The following NEXN variants were observed in gnomAD, a reference collection of about 807,000 sequenced individuals.
The protein encoded by NEXN is nexilin F-actin binding protein, also known as nexilin.
A neutral mutation model predicts 92.6 loss-of-function variants in NEXN; 65 were observed. The ratio of observed to expected loss-of-function variants is 0.70; its 90% CI spans 0.57 to 0.86. NEXN has a LOEUF of 0.86. NEXN is among the 40% of genes least tolerant of loss of function. The pLI, the probability that NEXN is intolerant of heterozygous loss-of-function variation, is 0.00. For synonymous variants in NEXN, 254 were observed against 242.5 expected, an observed-to-expected ratio of 1.05 and a Z score of -0.44; for missense variants, 778 against 771.1, an observed-to-expected ratio of 1.01 and a Z score of -0.11.
In NEXN at chr1:77,942,835, CTTT is replaced by C. The variant is rs750925304; in HGVS notation, c.*9_*11del. The C allele has an allele frequency of 1.3e-6, 2 of 1,595,832 alleles. No homozygotes were observed. The highest frequency in any genetic ancestry group is 8.6e-7 in the Non-Finnish European group (1 of 1,167,744). On this transcript the variant is annotated 3_prime_UTR_variant, in exon 13 of 13. Transcript: ENST00000334785. ...CCATTGAAAGTAAGAATTAATCACT[CTTT>C]TTATCTTTTATTCTATTAATTTTTT...
At chr1:77,929,785 A>G (rs980616084) in intron 9 of NEXN, among the ~76,000 whole-genome samples, 2 of 152,240 alleles carry the variant, frequency 1.3e-5, no homozygotes, top group African/African-American at 4.8e-5. Flanking sequence ...AGAACTAAGT[A>G]TCCAAGGAAG....
chr1:77,937,173 G>GC (rs1650836533), intron 11 of NEXN, among the ~76,000 whole-genome samples: 1 of 151,948 alleles, frequency 6.6e-6, no homozygotes, highest in Non-Finnish European at 1.5e-5. Context: ...GCACAGTGGT[G>GC]CATGTCTGTA....
chr1:77,908,394 A>ATTTT (rs34361411), intron 1 of NEXN, among the ~76,000 whole-genome samples: 15 of 36,302 alleles, frequency 4.1e-4, no homozygotes, highest in South Asian at 1.4e-3. Flanking sequence ...CCCTACCTCT[A>ATTTT]TTTTTTTTTT....
intron 1 of NEXN, among the ~76,000 whole-genome samples, chr1:77,914,902 T>C (rs1316147755): frequency 1.3e-5 from 2 of 152,112 alleles, no homozygotes; most frequent in Non-Finnish European, 2.9e-5. Context: ...GAATTGATTT[T>C]TGTAAAAAGC....
intron 6 of NEXN, 88 bp downstream of exon 6, chr1:77,925,317 C>G: frequency 1.1e-6 from 1 of 908,724 alleles, no homozygotes; most frequent in South Asian, 1.5e-5. Flanking sequence ...ACTAAAAGAG[C>G]TTTTATTATT....
intron 11 of NEXN, among the ~76,000 whole-genome samples, chr1:77,937,278 T>TG (rs1351522420): frequency 6.6e-6 from 1 of 152,126 alleles, no homozygotes; most frequent in Non-Finnish European, 1.5e-5. Context: ...CACTCCAGCC[T>TG]GGGGGTCAGA....
At chr1:77,896,188 A>G (rs958100156) in intron 1 of NEXN, among the ~76,000 whole-genome samples, 1 of 151,644 alleles carries the variant, frequency 6.6e-6, no homozygotes, top group African/African-American at 2.4e-5. Flanking sequence ...AAATAAATAA[A>G]TAAATAAATA....
chr1:77,915,485 C>T (rs1353036860), intron 1 of NEXN, among the ~76,000 whole-genome samples: 4 of 151,278 alleles, frequency 2.6e-5, no homozygotes, highest in Non-Finnish European at 4.4e-5. Context: ...AAAAATTAGC[C>T]GGACGTGGCG....
intron 5 of NEXN, among the ~76,000 whole-genome samples, chr1:77,920,065 A>T (rs1350470090): frequency 1.3e-5 from 2 of 149,590 alleles, no homozygotes; most frequent in African/African-American, 4.9e-5. Flanking sequence ...CTCCCAGCTA[A>T]TTTTTTTGTA....
chr1:77,928,310 CAAA>C (rs199608369), intron 8 of NEXN, among the ~76,000 whole-genome samples: 6 of 75,234 alleles, frequency 8.0e-5, no homozygotes, highest in African/African-American at 5.0e-5. Context: ...GACCCTGTCT[CAAA>C]AAAAAAAAAA....
rs750183004 is a variant in NEXN at position 77,942,030 on chromosome 1, A to T, written c.1481A>T (p.Asp494Val). 2 of 1,612,772 alleles carry T rather than the reference A, an allele frequency of 1.2e-6. No individual in the cohort carries two copies. The highest frequency in any genetic ancestry group is 2.7e-5 in the African/African-American group (2 of 75,008). The change falls in exon 12 of 13, where the codon GAT (aspartate) becomes GTT (valine). Residue 494 changes from aspartate to valine, a missense_variant. By Grantham distance (152) the Asp-to-Val change is radical. This residue lies in a region of NEXN where 532 missense variants were observed against 476.7 expected (regional missense o/e 1.12). Coordinates refer to ENST00000334785, the MANE Select transcript of NEXN (RefSeq NM_144573.4). ...REAENFHEED[D>V]VDVRPARKSE... ...TGGCCCACTTTCTTGCAGGAAGATGATGTTGATGTTAGGCCTGCAAGAAAA... is the reference window on the plus strand; with the variant it reads ...TGGCCCACTTTCTTGCAGGAAGATGTTGTTGATGTTAGGCCTGCAAGAAAA...
intron 1 of NEXN, among the ~76,000 whole-genome samples, chr1:77,913,888 A>G (rs1303603263): frequency 1.3e-5 from 2 of 152,232 alleles, no homozygotes; most frequent in Admixed American, 1.3e-4. Flanking sequence ...CAGGTAATAG[A>G]ATATTATTCA....
intron 9 of NEXN, among the ~76,000 whole-genome samples, chr1:77,931,115 C>T (rs548113804): frequency 8.0e-4 from 121 of 151,666 alleles, no homozygotes; most frequent in Non-Finnish European, 1.4e-3. Context: ...AAGCCGGGCG[C>T]GGTGGCTCAC....
chr1:77,906,081 A>G (rs1648090330), intron 1 of NEXN, among the ~76,000 whole-genome samples: 1 of 152,166 alleles, frequency 6.6e-6, no homozygotes, highest in Non-Finnish European at 1.5e-5. Flanking sequence ...AGAGAGAGGT[A>G]TAGAAGCCCT....
intron 10 of NEXN, among the ~76,000 whole-genome samples, chr1:77,933,956 C>T (rs1650520362): frequency 6.6e-6 from 1 of 151,368 alleles, no homozygotes. Context: ...ATGTCTCAGC[C>T]TTCTGTGTAG....
At chr1:77,910,762 A>AAAC (rs1553235538) in intron 1 of NEXN, among the ~76,000 whole-genome samples, 5,831 of 135,232 alleles carry the variant, frequency 0.043, 303 homozygotes, top group Non-Finnish European at 0.065. Context: ...AAAAAAAAAA[A>AAAC]AAAAAAAAAC....
At chr1:77,895,915 T>C (rs1233959017) in intron 1 of NEXN, among the ~76,000 whole-genome samples, 1 of 151,718 alleles carries the variant, frequency 6.6e-6, no homozygotes, top group Non-Finnish European at 1.5e-5. Context: ...GTGGCTCACA[T>C]CTGTAATCCC....
At chr1:77,909,344 C>T (rs533072424) in intron 1 of NEXN, among the ~76,000 whole-genome samples, 88 of 151,978 alleles carry the variant, frequency 5.8e-4, no homozygotes, top group African/African-American at 1.1e-3. Context: ...CGCTTGAACC[C>T]GGGAGACAGA....
rs1027733248 is a variant in NEXN, at chr1:77,929,166, G to T, written c.865-150G>T. ...CAAATTTGAATATTTTATCATAGAA[G>T]ACATTAAAAAGGAAGGGGATTTAGG... On this transcript the variant is annotated intron_variant, in intron 8 of 12. Coordinates refer to ENST00000334785, the MANE Select transcript of NEXN (RefSeq NM_144573.4). 5 of 601,966 alleles carry T rather than the reference G, an allele frequency of 8.3e-6. No individual in the cohort carries two copies. The Admixed American group carries it at 1.6e-4, about 19-fold the overall frequency. 37.3% of individuals were successfully genotyped at this position (601,966 alleles called of 1,614,324 possible). A position where few individuals can be genotyped will look rare whatever the true frequency, so the allele number is the denominator to read the frequency against.
Sources: allele counts gnomAD v4.1 joint callset (sites outside exome capture counted in the v4.1 genomes callset), GRCh38; gene constraint gnomAD v4.1.1; regional missense constraint gnomAD v4.1.1; transcripts MANE v1.5; gene names NCBI Gene and HGNC (gene_info 2026-07-23, HGNC 2026-07-21).